RBL2: variants seen among roughly 807,000 people sequenced by gnomAD.
RBL2 encodes retinoblastoma-like protein 2.
RBL2 carries 56 observed loss-of-function variants against 126.0 expected under a neutral mutation model. The ratio of observed to expected loss-of-function variants is 0.44; its 90% CI spans 0.36 to 0.56. The LOEUF (loss-of-function observed/expected upper bound fraction) is 0.56. Among genes scored for constraint, RBL2 ranks in the 20% least tolerant of loss-of-function variants. The pLI is 0.00. For synonymous variants in RBL2, 454 were observed against 478.5 expected (o/e 0.95, Z 0.67); for missense variants, 1,229 against 1,398.2 (o/e 0.88, Z 1.93).
chr16:53,488,289 A>G (rs1961254481), intron 21 of RBL2: 1 of 152,236 alleles, frequency 6.6e-6, no homozygotes, highest in Admixed American at 6.5e-5. Context: ...AGTGAAAGAC[A>G]CTGGATTCAG....
At chr16:53,490,086 G>A in intron 21 of RBL2, 44 bp from the exon 22 acceptor site, 1 of 1,431,532 alleles carries the variant, frequency 7.0e-7, no homozygotes, top group Non-Finnish European at 9.4e-7. Context: ...ACTGAGCTAT[G>A]TGCATTTGCA....
intron 9 of RBL2, among the ~76,000 whole-genome samples, chr16:53,461,048 G>C (rs2058214811): frequency 6.6e-6 from 1 of 152,156 alleles, no homozygotes; most frequent in Non-Finnish European, 1.5e-5. Context: ...TTTTCTTCCA[G>C]GTGTTCTTAA....
chr16:53,438,018 C>G (rs1386805991), intron 1 of RBL2, among the ~76,000 whole-genome samples: 1 of 151,594 alleles, frequency 6.6e-6, no homozygotes, highest in Admixed American at 6.6e-5. Context: ...CACAGTGAGA[C>G]TCCATCTCAA....
At position 53,453,393 on chromosome 16, in the gene RBL2, T is replaced by C. The variant is rs1274641479; in HGVS notation, c.767-59T>C. 6 of 1,460,282 alleles carry C rather than the reference T, an allele frequency of 4.1e-6. No homozygotes were observed. The Admixed American group carries it at 5.4e-5, about 13-fold the overall frequency. 90.5% of individuals were successfully genotyped at this position (1,460,282 alleles called of 1,614,324 possible). A position where few individuals can be genotyped will look rare whatever the true frequency, so the allele number is the denominator to read the frequency against. On this transcript the variant is annotated intron_variant, in intron 5 of 21. Coordinates refer to ENST00000262133, the MANE Select transcript of RBL2 (RefSeq NM_005611.4). ...ATACTCTATGTTTTACATTTTAGTT[T>C]ATTACAAATTGGCTTATTGTGTGCT...
At chr16:53,446,984 G>C (rs2058068170) in intron 3 of RBL2, 58 bp from the exon 4 acceptor site, 2 of 1,031,470 alleles carry the variant, frequency 1.9e-6, no homozygotes, top group African/African-American at 3.4e-5. Context: ...TAATCATTTG[G>C]GATTTTTTTT....
chr16:53,465,774 C>T, intron 13 of RBL2, 172 bp downstream of exon 13: 1 of 466,598 alleles, frequency 2.1e-6, no homozygotes, highest in South Asian at 4.9e-5. Context: ...TGGGAAGGTG[C>T]CAAGAGACCA....
In RBL2 at chr16:53,434,889, G is replaced by C. The variant is rs1283300180; in HGVS notation, c.240+93G>C. On this transcript the variant is annotated intron_variant, in intron 1 of 21. Coordinates refer to ENST00000262133, the MANE Select transcript of RBL2 (RefSeq NM_005611.4). ...GCGCGCCTCGAGAGACTCTCGGGCG[G>C]GTTGCGGGCTCCCAGCCCCGAGAGG... 1.9e-5 allele frequency: 27 copies of C among 1,390,870 alleles called. 1 individual carries two copies. In the East Asian group the frequency reaches 6.9e-4, roughly 36 times the overall value. 86.2% of individuals were successfully genotyped at this position (1,390,870 alleles called of 1,614,324 possible). A position where few individuals can be genotyped will look rare whatever the true frequency, so the allele number is the denominator to read the frequency against.
intron 5 of RBL2, among the ~76,000 whole-genome samples, chr16:53,452,139 T>A (rs555291356): frequency 1.8e-4 from 28 of 152,314 alleles, no homozygotes; most frequent in African/African-American, 6.7e-4. Flanking sequence ...TTTTTCTACA[T>A]TGGCAAACTT....
chr16:53,470,942 G>A lies in RBL2; in HGVS notation c.2703+20G>A. The A allele has an allele frequency of 6.3e-7, 1 of 1,594,994 alleles. No homozygotes were observed. The highest frequency in any genetic ancestry group is 8.5e-7 in the Non-Finnish European group (1 of 1,170,862). ...GCAAAGGTGAGTACCATTTGGAATTGTAAAGGCAAAGATAGGTCTTCATTA... is the reference window on the plus strand; with the variant it reads ...GCAAAGGTGAGTACCATTTGGAATTATAAAGGCAAAGATAGGTCTTCATTA... On this transcript the variant is annotated intron_variant, in intron 17 of 21. Transcript: ENST00000262133.
intron 13 of RBL2, 167 bp from the exon 14 acceptor site, chr16:53,466,891 A>G: frequency 1.8e-6 from 1 of 565,580 alleles, no homozygotes; most frequent in South Asian, 2.2e-5. Context: ...GAATTTTTTG[A>G]CTGCCAAAAG....
Position 53,490,417 on chromosome 16 carries a change from A to G in RBL2, c.*117A>G. 1.2e-6 allele frequency: 1 copy of G among 845,068 alleles called. No homozygotes were observed. The highest frequency in any genetic ancestry group is 1.7e-6 in the Non-Finnish European group (1 of 584,036). 52.3% of individuals were successfully genotyped at this position (845,068 alleles called of 1,614,324 possible). On this transcript the variant is annotated 3_prime_UTR_variant, in exon 22 of 22. Transcript: ENST00000262133. ...TGATGAGTTACAGCCTGTTAGTAAC[A>G]TGAGGGGACATTTTGGTGAGAAATG...
chr16:53,483,909 C>A (rs1420591049), intron 21 of RBL2, among the ~76,000 whole-genome samples: 1 of 128,344 alleles, frequency 7.8e-6, no homozygotes, highest in African/African-American at 3.0e-5. Flanking sequence ...ATAATGGAGA[C>A]ACTTTTCCTA....
At chr16:53,477,752 G>A (rs1960787456) in intron 17 of RBL2, among the ~76,000 whole-genome samples, 1 of 151,944 alleles carries the variant, frequency 6.6e-6, no homozygotes, top group African/African-American at 2.4e-5. Flanking sequence ...ACTGTTGTAG[G>A]CAAATATGTT....
chr16:53,478,877 C>T, intron 17 of RBL2: 1 of 324,494 alleles, frequency 3.1e-6, no homozygotes. Flanking sequence ...CCTCCTCAGC[C>T]TCCCAAAGTG....
rs369264709 is a variant in RBL2, at chr16:53,480,633, C to G, written c.2948C>G (p.Ala983Gly). ...TTGCCAGTTCCACAGCCCAGCAGTG[C>G]TCCTCCCACACCTACTCGCCTCACA... ...STLPVPQPSS[A>G]PPTPTRLTGA... is the part of the protein sequence containing the mutation. Residue 983 changes from alanine (A) to glycine (G), a missense_variant, in exon 20 of 22, where the codon GCT becomes GGT. Physicochemically the swap from Ala to Gly is moderately conservative, Grantham distance 60 (BLOSUM62 0). Coordinates refer to ENST00000262133, the MANE Select transcript of RBL2 (RefSeq NM_005611.4). The G allele has an allele frequency of 5.9e-5, 96 of 1,613,940 alleles. No homozygotes were observed. Among genetic ancestry groups the G allele is most frequent in the Non-Finnish European group, 7.6e-5 (90 of 1,180,024 alleles).
At chr16:53,443,683 ATG>A (rs2058036748) in intron 3 of RBL2, among the ~76,000 whole-genome samples, 1 of 152,234 alleles carries the variant, frequency 6.6e-6, no homozygotes, top group South Asian at 2.1e-4. Context: ...AATTAGAAAA[ATG>A]TTGACAAGAA....
chr16:53,455,520 A>G (rs1042404344), intron 8 of RBL2, among the ~76,000 whole-genome samples: 3 of 152,232 alleles, frequency 2.0e-5, no homozygotes, highest in African/African-American at 7.2e-5. Flanking sequence ...GAACAAAATA[A>G]CCACGAGAAC....
At chr16:53,481,952 G>T (rs1960968814) in intron 21 of RBL2, 117 bp downstream of exon 21, 3 of 1,173,486 alleles carry the variant, frequency 2.6e-6, no homozygotes, top group Non-Finnish European at 2.4e-6. Context: ...AGGGAGCAGT[G>T]ATCAGTCAGT....
chr16:53,453,441 A>G lies in RBL2; in HGVS notation c.767-11A>G, dbSNP rs754614436. On this transcript the variant is annotated splice_polypyrimidine_tract_variant and intron_variant, in intron 5 of 21. Transcript: ENST00000262133. ...GCTGATATCTCTGTTTTGTGATTCT[A>G]TACACCATAGGCTTATCTGAAGATT... is the stretch of plus-strand genomic sequence containing the variant. The G allele has an allele frequency of 5.0e-5, 81 of 1,604,030 alleles. No individual in the cohort carries two copies. The highest frequency in any genetic ancestry group is 6.2e-5 in the Non-Finnish European group (73 of 1,173,688).
Sources: gnomAD v4.1 joint callset for allele counts (sites outside exome capture counted in the v4.1 genomes callset) on GRCh38, gnomAD v4.1.1 for gene constraint, MANE v1.5 for transcripts, NCBI Gene and HGNC (gene_info 2026-07-23, HGNC 2026-07-21) for gene names.